PUM2: variants seen among roughly 807,000 people sequenced by gnomAD.
PUM2 encodes the protein pumilio RNA binding family member 2, also known as pumilio homolog 2.
In PUM2, 57 loss-of-function variants were observed where a neutral mutation model predicts 124.5. The ratio of observed to expected loss-of-function variants is 0.46; its 90% CI spans 0.37 to 0.57. PUM2 has a LOEUF of 0.57. PUM2 is among the 20% of genes least tolerant of loss of function. The pLI is 0.00. For synonymous variants in PUM2, 460 were observed against 446.1 expected (o/e 1.03, Z -0.39); for missense variants, 1,065 against 1,290.6 (o/e 0.83, Z 2.68).
chr2:20,344,728 A>G (rs1189622169), intron 1 of PUM2, among the ~76,000 whole-genome samples: 2 of 152,106 alleles, frequency 1.3e-5, no homozygotes, highest in East Asian at 3.9e-4. Context: ...CACACCTGTA[A>G]TCCCAGCACT....
At chr2:20,309,398 T>A (rs2148560643) in intron 5 of PUM2, among the ~76,000 whole-genome samples, 1 of 144,884 alleles carries the variant, frequency 6.9e-6, no homozygotes, top group African/African-American at 2.5e-5. Flanking sequence ...AAAACTTAAG[T>A]ATACACAGCA....
At position 20,318,542 on chromosome 2, in the gene PUM2, G is replaced by A. The variant is rs778508842; in HGVS notation, c.155C>T (p.Ala52Val). The change falls in exon 3 of 21, where the codon GCT becomes GTT. Residue 52 changes from alanine to valine, a missense_variant. By Grantham distance (64) the Ala-to-Val change is moderately conservative. This residue lies in a region of PUM2 where 90 missense variants were observed against 103.6 expected (regional missense o/e 0.87). Transcript: ENST00000361078. ...CACATATACCAGTAACTTACGAGAA[G>A]CTCCCCATGCAGTCTCTCTCCATTC... ...DDEWRETAWG[A>V]SHHSMSQPIM... The A allele has an allele frequency of 4.4e-6, 7 of 1,606,350 alleles. No homozygotes were observed. The Admixed American group carries it at 8.3e-5, about 19-fold the overall frequency.
At chr2:20,350,290 G>T in intron 1 of PUM2, 1 of 213,316 alleles carries the variant, frequency 4.7e-6, no homozygotes, top group Non-Finnish European at 8.1e-6. Flanking sequence ...CTAACCTCCA[G>T]CGCGCCGAAT....
upstream of PUM2, among the ~76,000 whole-genome samples, chr2:20,351,388 G>C (rs927013415): frequency 2.0e-5 from 3 of 152,210 alleles, no homozygotes; most frequent in African/African-American, 7.2e-5. Flanking sequence ...TGTACCCTGC[G>C]AGAGGGCTGT....
chr2:20,350,469 G>A (rs1689130331), intron 1 of PUM2, 128 bp downstream of exon 1: 3 of 984,502 alleles, frequency 3.0e-6, no homozygotes, highest in Non-Finnish European at 3.6e-6. Context: ...ACCGGCCCGG[G>A]CACTCAGCAG....
Position 20,249,802 on chromosome 2 carries a change from T to C in PUM2, c.*1783A>G, listed in dbSNP as rs1412058405. On this transcript the variant is annotated 3_prime_UTR_variant, in exon 21 of 21. Transcript: ENST00000361078. Reference sequence around the variant, plus strand: ...GACTTCAACAAAATACAAAGCACTTTCTTTATCTTTCAGAAACTGAATATA... The same window carrying C: ...GACTTCAACAAAATACAAAGCACTTCCTTTATCTTTCAGAAACTGAATATA... 6.6e-6 allele frequency: 1 copy of C among 152,594 alleles called. No homozygotes were observed. The highest frequency in any genetic ancestry group is 2.4e-5 in the African/African-American group (1 of 41,444). The allele number at this position is 152,594 out of a possible 1,614,324, so 9.5% of individuals were successfully genotyped here.
In PUM2 at chr2:20,326,910, A is replaced by C. The variant is rs563043367; in HGVS notation, c.51+400T>G. On this transcript the variant is annotated intron_variant, in intron 2 of 20. Transcript: ENST00000361078. ...GTAGAAGATTAGAAGTTTGTTAAGTAAACAGTTTTGGGTGAACAAGAGATT... is the reference window on the plus strand; with the variant it reads ...GTAGAAGATTAGAAGTTTGTTAAGTCAACAGTTTTGGGTGAACAAGAGATT... 4.6e-5 allele frequency among the ~76,000 whole-genome samples: 7 copies of C among 152,328 alleles called. No homozygotes were observed. In the South Asian group the frequency reaches 1.2e-3, roughly 27 times the overall value.
At position 20,323,284 on chromosome 2, in the gene PUM2, T is replaced by TA. The variant is rs562826171; in HGVS notation, c.51+4025dup. 2.2e-3 allele frequency among the ~76,000 whole-genome samples: 329 copies of TA among 151,598 alleles called. 5 individuals are homozygous for TA. Among genetic ancestry groups the TA allele is most frequent in the Non-Finnish European group, 3.0e-3 (202 of 67,828 alleles). ...TAACACTGTGAAACTCTGTCTCTAC[T>TA]AAAAATACAAAAAATTAGCCAGGCG... On this transcript the variant is annotated intron_variant, in intron 2 of 20. Transcript: ENST00000361078.
intron 1 of PUM2, among the ~76,000 whole-genome samples, chr2:20,339,797 T>C (rs772420283): frequency 1.3e-5 from 2 of 152,134 alleles, no homozygotes; most frequent in African/African-American, 2.4e-5. Flanking sequence ...GGAGAATCAC[T>C]TGAACCTGAA....
intron 9 of PUM2, among the ~76,000 whole-genome samples, chr2:20,292,048 T>A (rs1045648847): frequency 6.6e-6 from 1 of 150,482 alleles, no homozygotes; most frequent in Non-Finnish European, 1.5e-5. Context: ...ACATCTGGTA[T>A]GCAGTCTTCT....
chr2:20,258,692 G>A lies in PUM2; in HGVS notation c.2356-321C>T, dbSNP rs568943057. On this transcript the variant is annotated intron_variant, in intron 15 of 20. Transcript: ENST00000361078. ...TTTTTTTTTGTTGAGACGGAGTCTC[G>A]CTCTGTCGCCCAGGCTGGACTGCGG... is the stretch of plus-strand genomic sequence containing the variant. 3.1e-3 allele frequency among the ~76,000 whole-genome samples: 356 copies of A among 113,734 alleles called. 2 individuals carry two copies. Among genetic ancestry groups the A allele is most frequent in the Middle Eastern group, 0.01 (1 of 96 alleles). The allele number at this position is 113,734 out of a possible 152,430, so 74.6% of individuals were successfully genotyped here.
At chr2:20,335,434 A>C (rs1344916282) in intron 1 of PUM2, among the ~76,000 whole-genome samples, 1 of 152,220 alleles carries the variant, frequency 6.6e-6, no homozygotes, top group Non-Finnish European at 1.5e-5. Flanking sequence ...TTTATAGGAG[A>C]CCATTAGCCT....
intron 2 of PUM2, among the ~76,000 whole-genome samples, chr2:20,325,682 T>A (rs1572940268): frequency 6.6e-6 from 1 of 150,706 alleles, no homozygotes; most frequent in African/African-American, 2.4e-5. Context: ...AGAGCAGTGG[T>A]GCAATCTCGG....
At chr2:20,329,343 G>A (rs1684394789) in intron 1 of PUM2, among the ~76,000 whole-genome samples, 2 of 147,620 alleles carry the variant, frequency 1.4e-5, no homozygotes, top group Admixed American at 1.4e-4. Context: ...GAGGTGGGAG[G>A]ATCACTTGAG....
chr2:20,341,274 T>C (rs573197838), intron 1 of PUM2, among the ~76,000 whole-genome samples: 3 of 152,154 alleles, frequency 2.0e-5, no homozygotes, highest in Non-Finnish European at 2.9e-5. Context: ...ATGAATTAAC[T>C]ATATAAAGAT....
At chr2:20,349,311 T>C (rs552216154) in intron 1 of PUM2, among the ~76,000 whole-genome samples, 1 of 152,306 alleles carries the variant, frequency 6.6e-6, no homozygotes, top group African/African-American at 2.4e-5. Flanking sequence ...TTTAAGATTA[T>C]CGTAAACCTT....
Position 20,258,131 on chromosome 2 carries a change from T to C in PUM2, c.2484+112A>G, listed in dbSNP as rs1181965357. 1.0e-5 allele frequency: 10 copies of C among 983,102 alleles called. No homozygotes were observed. In the East Asian group the frequency reaches 1.9e-4, roughly 19 times the overall value. 60.9% of individuals were successfully genotyped at this position (983,102 alleles called of 1,614,324 possible). On this transcript the variant is annotated intron_variant, in intron 16 of 20. Coordinates refer to ENST00000361078, the MANE Select transcript of PUM2 (RefSeq NM_015317.5). ...ACACAGTAACAACATTTTAGTCTAGTTGTGGAAATATTTAAGTCTTTTCAC... is the reference window on the plus strand; with the variant it reads ...ACACAGTAACAACATTTTAGTCTAGCTGTGGAAATATTTAAGTCTTTTCAC...
At chr2:20,313,864 CA>C (rs1325219903) in intron 3 of PUM2, among the ~76,000 whole-genome samples, 12 of 137,286 alleles carry the variant, frequency 8.7e-5, no homozygotes, top group Non-Finnish European at 1.4e-4. Context: ...AAAAAAAGGC[CA>C]GGGGCAGTGA....
intron 9 of PUM2, among the ~76,000 whole-genome samples, chr2:20,293,107 G>A (rs1674621474): frequency 6.6e-6 from 1 of 152,132 alleles, no homozygotes; most frequent in African/African-American, 2.4e-5. Context: ...AAAGAACACA[G>A]GATTATATAT....
Sources: gnomAD v4.1 joint callset for allele counts (sites outside exome capture counted in the v4.1 genomes callset) on GRCh38, gnomAD v4.1.1 for gene constraint, gnomAD v4.1.1 regional missense constraint, MANE v1.5 for transcripts, NCBI Gene and HGNC (gene_info 2026-07-23, HGNC 2026-07-21) for gene names.